The following PCDHGA6 variants were observed in gnomAD, a reference collection of about 807,000 sequenced individuals.
PCDHGA6 encodes the protein protocadherin gamma-A6.
Under a neutral mutation model 60.6 loss-of-function variants are expected in PCDHGA6, and 41 were observed. The ratio of observed to expected loss-of-function variants is 0.68; its 90% CI spans 0.53 to 0.88. The LOEUF (loss-of-function observed/expected upper bound fraction) is 0.88. Ranked by LOEUF, PCDHGA6 falls within the 40% of genes least tolerant of loss-of-function variation. The pLI is 0.00. For missense variants in PCDHGA6, 1,312 were observed against 1,203.0 expected (o/e 1.09, Z -1.34); for synonymous variants, 594 against 524.4 (o/e 1.13, Z -1.81).
chr5:141,469,697 T>G (rs2154570403), intron 1 of PCDHGA6, among the ~76,000 whole-genome samples: 1 of 152,392 alleles, frequency 6.6e-6, no homozygotes, highest in African/African-American at 2.4e-5. Context: ...TCCTATGACC[T>G]AGTAATCACA....
At position 141,487,362 on chromosome 5, in the gene PCDHGA6, C is replaced by T; in HGVS notation, c.2425-7445C>T. On this transcript the variant is annotated intron_variant, in intron 1 of 3. Transcript: ENST00000517434. The surrounding 1 kb of genome is among the most constrained non-coding windows in gnomAD (Gnocchi z 5.0). The stretch of plus-strand genomic sequence containing the variant: ...GGAGTCACATGCTTTCCTGCTGGCA[C>T]CTGTGCCTGTCTCACCAGATCTCGA... 3 of 1,614,200 alleles carry T rather than the reference C, an allele frequency of 1.9e-6. No homozygotes were observed. Among genetic ancestry groups the T allele is most frequent in the Non-Finnish European group, 2.5e-6 (3 of 1,180,044 alleles).
chr5:141,488,885 T>C (rs1401230063), intron 1 of PCDHGA6, among the ~76,000 whole-genome samples: 1 of 152,194 alleles, frequency 6.6e-6, no homozygotes, highest in Admixed American at 6.5e-5. Flanking sequence ...GAAGCTTCTG[T>C]GACACAGATT....
intron 1 of PCDHGA6, among the ~76,000 whole-genome samples, chr5:141,438,587 C>CAT (rs1372372472): frequency 1.4e-4 from 10 of 73,396 alleles, no homozygotes; most frequent in East Asian, 3.8e-4. Context: ...TACATACATA[C>CAT]ATACATATAT....
intron 1 of PCDHGA6, among the ~76,000 whole-genome samples, chr5:141,475,231 G>A (rs1188161872): frequency 6.6e-6 from 1 of 152,190 alleles, no homozygotes; most frequent in Admixed American, 6.5e-5. Flanking sequence ...AAAGGGAAAC[G>A]ATAGAGAGAG....
chr5:141,410,175 C>T (rs202065305), intron 1 of PCDHGA6: 5 of 1,613,752 alleles, frequency 3.1e-6, no homozygotes, highest in Non-Finnish European at 8.5e-7. Flanking sequence ...TCTGCCACCG[C>T]CACGCTTCAT....
intron 1 of PCDHGA6, chr5:141,413,663 AT>A (rs1344545568): frequency 6.2e-7 from 1 of 1,613,844 alleles, no homozygotes; most frequent in African/African-American, 1.3e-5. Flanking sequence ...GAAGCTATTG[AT>A]CCGGATGTGG....
chr5:141,490,421 C>T lies in PCDHGA6; in HGVS notation c.2425-4386C>T. On this transcript the variant is annotated intron_variant, in intron 1 of 3. Coordinates refer to ENST00000517434, the MANE Select transcript of PCDHGA6 (RefSeq NM_018919.3). The surrounding 1 kb of genome is among the most constrained non-coding windows in gnomAD (Gnocchi z 5.4). ...AGCCTTGATATCTCTCCGGACCTGCCATTTCAGATTAAGCCTTCTGAGAAC... is the reference window on the plus strand; with the variant it reads ...AGCCTTGATATCTCTCCGGACCTGCTATTTCAGATTAAGCCTTCTGAGAAC... 1 of 1,614,192 alleles carries T rather than the reference C, an allele frequency of 6.2e-7. No homozygotes were observed. The highest frequency in any genetic ancestry group is 8.5e-7 in the Non-Finnish European group (1 of 1,180,016).
At chr5:141,479,476 G>A (rs1481785254) in intron 1 of PCDHGA6, 1 of 152,250 alleles carries the variant, frequency 6.6e-6, no homozygotes, top group African/African-American at 2.4e-5. Context: ...CCTCTTGGGA[G>A]GGCAGGACCA....
intron 1 of PCDHGA6, among the ~76,000 whole-genome samples, chr5:141,460,124 A>AAT (rs2098982741): frequency 6.6e-6 from 1 of 152,052 alleles, no homozygotes; most frequent in African/African-American, 2.4e-5. Context: ...TTATATATGT[A>AAT]ATATATATAT....
intron 1 of PCDHGA6, chr5:141,414,139 G>T: frequency 6.3e-7 from 1 of 1,596,506 alleles, no homozygotes; most frequent in Non-Finnish European, 8.5e-7. Flanking sequence ...CTATGAAATA[G>T]AAATACAAGC....
chr5:141,485,714 G>C lies in PCDHGA6; in HGVS notation c.2425-9093G>C, dbSNP rs896709540. 6.2e-7 allele frequency: 1 copy of C among 1,614,064 alleles called. No homozygotes were observed. Among genetic ancestry groups the C allele is most frequent in the Non-Finnish European group, 8.5e-7 (1 of 1,180,050 alleles). On this transcript the variant is annotated intron_variant, in intron 1 of 3. Coordinates refer to ENST00000517434, the MANE Select transcript of PCDHGA6 (RefSeq NM_018919.3). The surrounding 1 kb of genome is among the most constrained non-coding windows in gnomAD (Gnocchi z 5.7). The stretch of plus-strand genomic sequence containing the variant: ...GAGCTCCAATGAACACTTTGCACTG[G>C]ATGTGAAGAAGCGCAGCGACGGCAG...
intron 1 of PCDHGA6, chr5:141,433,015 C>T (rs2154555449): frequency 2.5e-6 from 4 of 1,614,172 alleles, no homozygotes; most frequent in South Asian, 2.2e-5. Flanking sequence ...TCCTGCAGAC[C>T]TATTCCCACG....
chr5:141,395,447 G>A, intron 1 of PCDHGA6: 1 of 645,042 alleles, frequency 1.6e-6, no homozygotes, highest in Admixed American at 3.5e-5. Context: ...GGAAAAGATT[G>A]TTCAACCATT....
chr5:141,455,580 T>G (rs572453788), intron 1 of PCDHGA6, among the ~76,000 whole-genome samples: 26 of 152,142 alleles, frequency 1.7e-4, no homozygotes, highest in Middle Eastern at 3.2e-3. Context: ...ACCCCAGCCT[T>G]TTAATATGCA....
chr5:141,441,155 T>A (rs2098229690), intron 1 of PCDHGA6: 1 of 152,230 alleles, frequency 6.6e-6, no homozygotes, highest in East Asian at 1.9e-4. Flanking sequence ...GACAATATCC[T>A]AGAGGCGATT....
At chr5:141,400,116 C>T in intron 1 of PCDHGA6, 2 of 1,614,086 alleles carry the variant, frequency 1.2e-6, no homozygotes, top group Non-Finnish European at 1.7e-6. Context: ...TTGCTGACAG[C>T]TTGCAGGAGG....
Position 141,476,845 on chromosome 5 carries a change from C to T in PCDHGA6, c.2425-17962C>T. On this transcript the variant is annotated intron_variant, in intron 1 of 3. Transcript: ENST00000517434. The surrounding 1 kb of genome is among the most constrained non-coding windows in gnomAD (Gnocchi z 7.6). ...TGGACGCGAATGACAATGCGCCTGT[C>T]TTCAACCAGTCCTTGTACCGGGCGC... 1 of 1,613,794 alleles carries T rather than the reference C, an allele frequency of 6.2e-7. No homozygotes were observed. Among genetic ancestry groups the T allele is most frequent in the Non-Finnish European group, 8.5e-7 (1 of 1,180,054 alleles).
At chr5:141,415,438 C>A in intron 1 of PCDHGA6, 1 of 1,614,218 alleles carries the variant, frequency 6.2e-7, no homozygotes, top group South Asian at 1.1e-5. Flanking sequence ...GGCTTTCCTG[C>A]AGACCTATTC....
chr5:141,501,132 G>T (rs371444727), intron 2 of PCDHGA6, among the ~76,000 whole-genome samples: 2 of 152,262 alleles, frequency 1.3e-5, no homozygotes, highest in East Asian at 3.9e-4. Flanking sequence ...CTCCCTAAGT[G>T]CTGGGATTAC....
Sources: gnomAD v4.1 joint callset for allele counts (sites outside exome capture counted in the v4.1 genomes callset) on GRCh38, gnomAD v4.1.1 for gene constraint, Gnocchi (gnomAD v3.1) non-coding constraint, MANE v1.5 for transcripts, NCBI Gene and HGNC (gene_info 2026-07-23, HGNC 2026-07-21) for gene names.